C12orf42: variants seen among roughly 807,000 people sequenced by gnomAD.
C12orf42 encodes chromosome 12 open reading frame 42.
Under a neutral mutation model 21.6 loss-of-function variants are expected in C12orf42, and 25 were observed. The observed-to-expected ratio is 1.16, with a 90% CI of 0.84 to 1.62. C12orf42 has a LOEUF of 1.62. Ranked by LOEUF, C12orf42 falls within the 40% of genes most tolerant of loss-of-function variation. The probability of loss-of-function intolerance (pLI) is 0.00; values close to 1 mark genes in which losing one functional copy is unlikely to be tolerated. For missense variants in C12orf42, 483 were observed against 459.3 expected, an observed-to-expected ratio of 1.05 and a Z score of -0.47; for synonymous variants, 174 against 175.0, an observed-to-expected ratio of 0.99 and a Z score of 0.05.
At position 103,431,889 on chromosome 12, in the gene C12orf42, A is replaced by C. The variant is rs1198461126; in HGVS notation, c.79-30214T>G. Among the ~76,000 whole-genome samples the C allele has an allele frequency of 2.0e-5, 3 of 152,186 alleles. No individual in the cohort carries two copies. The East Asian group carries it at 5.8e-4, about 29-fold the overall frequency. On this transcript the variant is annotated intron_variant, in intron 2 of 5. Transcript: ENST00000548883. ...ATTTAACTGAGGGGCATAAGGCAGG[A>C]GAGAAAGAGGCAGGCTTTAGAGCAG...
At chr12:103,050,108 C>G in the C12orf42 span, among the ~76,000 whole-genome samples, 1 of 152,118 alleles carries the variant, frequency 6.6e-6, no homozygotes, top group Non-Finnish European at 1.5e-5. Flanking sequence ...CACAGAGTAG[C>G]CCATCAGTGA....
At chr12:103,495,568 C>T (rs1458051450) in intron 1 of C12orf42, among the ~76,000 whole-genome samples, 3 of 151,926 alleles carry the variant, frequency 2.0e-5, no homozygotes, top group Non-Finnish European at 4.4e-5. Context: ...GCTGTCAATG[C>T]ATCACCTGCT....
At chr12:103,509,518 T>C in the C12orf42 span, among the ~76,000 whole-genome samples, 2 of 152,096 alleles carry the variant, frequency 1.3e-5, no homozygotes, top group Non-Finnish European at 2.9e-5. Flanking sequence ...AAATGGTAAA[T>C]TGAAGCAAGT....
the C12orf42 span, among the ~76,000 whole-genome samples, chr12:103,155,636 C>A: frequency 9.1e-6 from 1 of 110,064 alleles, no homozygotes; most frequent in African/African-American, 3.5e-5. Flanking sequence ...GGTGGGTTAC[C>A]ATTTTATATG....
At chr12:103,429,729 G>C (rs533405099) in intron 2 of C12orf42, among the ~76,000 whole-genome samples, 1 of 152,202 alleles carries the variant, frequency 6.6e-6, no homozygotes, top group South Asian at 2.1e-4. Context: ...ATACTACAAG[G>C]CTACAGTAAC....
At chr12:103,355,531 AT>A (rs1302471066) in intron 4 of C12orf42, among the ~76,000 whole-genome samples, 3 of 151,972 alleles carry the variant, frequency 2.0e-5, no homozygotes, top group African/African-American at 4.8e-5. Context: ...ACTGAAGAAT[AT>A]TTTTTAAATG....
the C12orf42 span, among the ~76,000 whole-genome samples, chr12:103,218,462 T>C: frequency 2.0e-5 from 3 of 152,150 alleles, no homozygotes; most frequent in Non-Finnish European, 2.9e-5. Context: ...CTCTTTGACC[T>C]CTCTAGTACT....
At chr12:103,154,438 C>T in the C12orf42 span, among the ~76,000 whole-genome samples, 1 of 152,122 alleles carries the variant, frequency 6.6e-6, no homozygotes, top group Non-Finnish European at 1.5e-5. Context: ...ACAGAAGAAG[C>T]CAGCTCATCC....
At chr12:103,050,298 G>C in the C12orf42 span, among the ~76,000 whole-genome samples, 6 of 151,678 alleles carry the variant, frequency 4.0e-5, no homozygotes, top group African/African-American at 1.5e-4. Context: ...GCTATAAAAT[G>C]CTACACAGTT....
upstream of C12orf42, chr12:103,496,087 A>C (rs1955533919): frequency 6.6e-6 from 1 of 152,344 alleles, no homozygotes; most frequent in African/African-American, 2.4e-5. Flanking sequence ...AGTCACAGAA[A>C]ACTTTCACAC....
chr12:103,203,613 G>A, the C12orf42 span, among the ~76,000 whole-genome samples: 15 of 152,132 alleles, frequency 9.9e-5, no homozygotes, highest in African/African-American at 3.4e-4. Context: ...CTGGCACAAG[G>A]ACACACAGAT....
chr12:103,436,054 C>G (rs570346250), intron 2 of C12orf42, among the ~76,000 whole-genome samples: 44 of 152,126 alleles, frequency 2.9e-4, no homozygotes, highest in African/African-American at 4.8e-4. Flanking sequence ...GCGGATCTCT[C>G]GGCAGAAACC....
At chr12:103,177,643 G>C in the C12orf42 span, among the ~76,000 whole-genome samples, 7 of 152,168 alleles carry the variant, frequency 4.6e-5, no homozygotes, top group Non-Finnish European at 8.8e-5. Context: ...TCTTTTACAA[G>C]AAATCAGATA....
chr12:103,176,832 C>T, the C12orf42 span, among the ~76,000 whole-genome samples: 54 of 152,274 alleles, frequency 3.5e-4, no homozygotes, highest in Middle Eastern at 3.4e-3. Flanking sequence ...TAAGACACCA[C>T]GACCATTTGT....
At chr12:103,237,425 C>G (rs1023497710), downstream of C12orf42, among the ~76,000 whole-genome samples, 4 of 152,132 alleles carry the variant, frequency 2.6e-5, no homozygotes, top group African/African-American at 9.7e-5. Context: ...ACTGTGCTCC[C>G]TTGGGCAAGT....
the C12orf42 span, among the ~76,000 whole-genome samples, chr12:103,202,150 G>T: frequency 6.6e-6 from 1 of 152,176 alleles, no homozygotes; most frequent in Non-Finnish European, 1.5e-5. Flanking sequence ...ATTTCCTGTG[G>T]AGTACTGGAA....
chr12:103,374,642 C>T (rs557453995), intron 3 of C12orf42, among the ~76,000 whole-genome samples: 6 of 152,148 alleles, frequency 3.9e-5, no homozygotes, highest in South Asian at 2.1e-4. Flanking sequence ...ACACAAAATA[C>T]GCCAACACAC....
rs927070237 is a variant in C12orf42, at chr12:103,377,122, T to C, written c.148-8124A>G. On this transcript the variant is annotated intron_variant, in intron 3 of 5. Coordinates refer to ENST00000548883, the MANE Select transcript of C12orf42 (RefSeq NM_198521.5). Reference sequence around the variant, plus strand: ...ATTTAATGGATGTTCTCTCTTCCCTTATTCCTGAGTATTTTGATCTTAGGG... The same window carrying C: ...ATTTAATGGATGTTCTCTCTTCCCTCATTCCTGAGTATTTTGATCTTAGGG... Among the ~76,000 whole-genome samples the C allele has an allele frequency of 9.2e-5, 14 of 152,284 alleles. No individual in the cohort carries two copies. The South Asian group carries it at 2.1e-3, about 23-fold the overall frequency.
At chr12:103,455,520 A>G (rs530363570) in intron 2 of C12orf42, among the ~76,000 whole-genome samples, 2 of 152,086 alleles carry the variant, frequency 1.3e-5, no homozygotes, top group African/African-American at 4.8e-5. Context: ...ACTCTTATGC[A>G]TCCTGGTTTG....
Sources: gnomAD v4.1 joint callset for allele counts (sites outside exome capture counted in the v4.1 genomes callset) on GRCh38, gnomAD v4.1.1 for gene constraint, MANE v1.5 for transcripts, NCBI Gene and HGNC (gene_info 2026-07-23, HGNC 2026-07-21) for gene names.